The following NTRK2 variants were observed in gnomAD, a reference collection of about 807,000 sequenced individuals.
NTRK2 encodes the protein neurotrophic receptor tyrosine kinase 2.
NTRK2 carries 13 observed loss-of-function variants against 94.5 expected under a neutral mutation model. The observed-to-expected ratio is 0.14, with a 90% CI of 0.09 to 0.22. The LOEUF (loss-of-function observed/expected upper bound fraction) is 0.22. Among genes scored for constraint, NTRK2 ranks in the 10% least tolerant of loss-of-function variants. The pLI is 1.00. For missense variants in NTRK2, 639 were observed against 1,071.2 expected (o/e 0.60, Z 5.63); for synonymous variants, 372 against 407.4 (o/e 0.91, Z 1.05).
chr9:84,815,410 C>T (rs199519262), intron 12 of NTRK2: 44 of 1,042,044 alleles, frequency 4.2e-5, no homozygotes, highest in Admixed American at 5.6e-5. Context: ...TAAACACATA[C>T]AAAGTAACAA....
chr9:84,807,033 C>T (rs1228445336), intron 12 of NTRK2, among the ~76,000 whole-genome samples: 1 of 152,230 alleles, frequency 6.6e-6, no homozygotes, highest in Non-Finnish European at 1.5e-5. Flanking sequence ...TGCTTGAACT[C>T]TCCCAATGAC....
At chr9:84,860,429 G>A (rs2075276851) in intron 12 of NTRK2, among the ~76,000 whole-genome samples, 1 of 152,180 alleles carries the variant, frequency 6.6e-6, no homozygotes, top group Non-Finnish European at 1.5e-5. Flanking sequence ...CAAGTCAGGA[G>A]CGAGAATCCA....
chr9:84,911,835 G>A (rs935639293), intron 14 of NTRK2, among the ~76,000 whole-genome samples: 19 of 151,740 alleles, frequency 1.3e-4, no homozygotes, highest in African/African-American at 4.6e-4. Context: ...ATTTCTTGTG[G>A]TAGGAACTTA....
At chr9:84,971,917 T>C (rs1163636592) in intron 17 of NTRK2, among the ~76,000 whole-genome samples, 2 of 152,228 alleles carry the variant, frequency 1.3e-5, no homozygotes, top group East Asian at 3.8e-4. Context: ...GATAGATTTC[T>C]GGCCAGAATA....
chr9:84,873,034 C>T (rs1258633343), intron 14 of NTRK2: 1 of 1,063,270 alleles, frequency 9.4e-7, no homozygotes, highest in Non-Finnish European at 1.1e-6. Flanking sequence ...TGAATTACAT[C>T]CAGGACCCCA....
intron 12 of NTRK2, among the ~76,000 whole-genome samples, chr9:84,818,432 A>G (rs1416724062): frequency 6.6e-6 from 1 of 152,216 alleles, no homozygotes; most frequent in Non-Finnish European, 1.5e-5. Flanking sequence ...AAGTTAACTG[A>G]AGTCACTGGA....
rs564468564 is a variant in NTRK2 at position 84,957,164 on chromosome 9, G to A, written c.2172+1647G>A. Among the ~76,000 whole-genome samples the A allele has an allele frequency of 7.2e-5, 11 of 152,296 alleles. No individual in the cohort carries two copies. In the East Asian group the frequency reaches 1.7e-3, roughly 24 times the overall value. ...CCGAAGAAAAGCTTTGCTGATCTTG[G>A]TGAGCACCCAAGGGAGGGACATGTG... is the stretch of plus-strand genomic sequence containing the variant. On this transcript the variant is annotated intron_variant, in intron 17 of 18. Coordinates refer to ENST00000277120, the MANE Select transcript of NTRK2 (RefSeq NM_006180.6).
chr9:84,721,622 G>A (rs1305041777), intron 6 of NTRK2, among the ~76,000 whole-genome samples: 1 of 152,124 alleles, frequency 6.6e-6, no homozygotes, highest in African/African-American at 2.4e-5. Flanking sequence ...CTTCCACAGT[G>A]GGAGGTCAAT....
chr9:84,684,900 G>A (rs1160596105), intron 2 of NTRK2, among the ~76,000 whole-genome samples: 1 of 151,908 alleles, frequency 6.6e-6, no homozygotes, highest in African/African-American at 2.4e-5. Context: ...TCTAATGTCA[G>A]TTAAGGATTA....
At chr9:84,923,269 A>G (rs1587940957) in intron 14 of NTRK2, among the ~76,000 whole-genome samples, 1 of 152,140 alleles carries the variant, frequency 6.6e-6, no homozygotes. Flanking sequence ...CTGTTTTTGT[A>G]AAGTTGGCCC....
Position 85,020,208 on chromosome 9 carries a change from C to T in NTRK2, c.2175C>T (p.Val725=), listed in dbSNP as rs202166941. 42 of 1,613,972 alleles carry T rather than the reference C, an allele frequency of 2.6e-5. 1 individual carries two copies. The highest frequency in any genetic ancestry group is 7.7e-5 in the South Asian group (7 of 91,068). ...CCTGTTGATCCCTTTCTCCCCAGGTCGGTGGCCACACAATGCTGCCCATTC... is the reference window on the plus strand; with the variant it reads ...CCTGTTGATCCCTTTCTCCCCAGGTTGGTGGCCACACAATGCTGCCCATTC... ...RDVYSTDYYR[V]GGHTMLPIRW... is the part of the protein sequence containing the mutation. Residue 725 remains valine (V), a splice_region_variant and synonymous_variant, in exon 18 of 19, where the codon GTC becomes GTT. Transcript: ENST00000277120.
chr9:84,937,039 G>T (rs2078236472), intron 15 of NTRK2, among the ~76,000 whole-genome samples: 1 of 152,160 alleles, frequency 6.6e-6, no homozygotes, highest in Non-Finnish European at 1.5e-5. Flanking sequence ...CTTTCACAGA[G>T]CTGTCACTCG....
chr9:84,959,371 T>C (rs1002768051), intron 17 of NTRK2, among the ~76,000 whole-genome samples: 9 of 152,190 alleles, frequency 5.9e-5, no homozygotes, highest in African/African-American at 2.2e-4. Context: ...GTCAACTGAA[T>C]TGCATAAAAT....
At chr9:84,971,522 G>T (rs904727780) in intron 17 of NTRK2, among the ~76,000 whole-genome samples, 6 of 152,222 alleles carry the variant, frequency 3.9e-5, no homozygotes, top group Non-Finnish European at 7.3e-5. Flanking sequence ...CAATGAGCAG[G>T]AAGGCCCCGT....
At chr9:84,859,095 G>A (rs902759130) in intron 12 of NTRK2, among the ~76,000 whole-genome samples, 1 of 152,200 alleles carries the variant, frequency 6.6e-6, no homozygotes, top group Non-Finnish European at 1.5e-5. Flanking sequence ...CTTCACAAGT[G>A]AGAGGAATTC....
intron 12 of NTRK2, among the ~76,000 whole-genome samples, chr9:84,790,293 A>T (rs1161881970): frequency 6.6e-6 from 1 of 152,212 alleles, no homozygotes; most frequent in Non-Finnish European, 1.5e-5. Flanking sequence ...GGCAAAGATT[A>T]TCTGTCTCTC....
chr9:84,776,512 A>G (rs2132941518), intron 12 of NTRK2, among the ~76,000 whole-genome samples: 1 of 152,234 alleles, frequency 6.6e-6, no homozygotes, highest in Non-Finnish European at 1.5e-5. Flanking sequence ...GTGAGCCACC[A>G]TGTCTGGCCT....
intron 17 of NTRK2, among the ~76,000 whole-genome samples, chr9:84,986,812 C>G (rs945114199): frequency 2.0e-5 from 3 of 152,206 alleles, no homozygotes; most frequent in Admixed American, 2.0e-4. Context: ...AATTGGGGAA[C>G]CCACCATTAC....
chr9:84,718,905 A>G (rs2061882105), intron 6 of NTRK2, among the ~76,000 whole-genome samples: 1 of 152,190 alleles, frequency 6.6e-6, no homozygotes, highest in Admixed American at 6.5e-5. Flanking sequence ...AATTAACATG[A>G]GTCAGATGCT....
Sources: allele counts gnomAD v4.1 joint callset (sites outside exome capture counted in the v4.1 genomes callset), GRCh38; gene constraint gnomAD v4.1.1; transcripts MANE v1.5; gene names NCBI Gene and HGNC (gene_info 2026-07-23, HGNC 2026-07-21).